The following CNTN3 variants were observed in gnomAD, a reference collection of about 807,000 sequenced individuals.
CNTN3 encodes contactin 3.
A neutral mutation model predicts 119.1 loss-of-function variants in CNTN3; 60 were observed. That is an observed-to-expected ratio of 0.50 (90% CI 0.41 to 0.62). The LOEUF (loss-of-function observed/expected upper bound fraction) is 0.62, where lower values mean the gene tolerates loss of function less well. CNTN3 is among the 20% of genes least tolerant of loss of function. The probability of loss-of-function intolerance (pLI) is 0.00; values close to 1 mark genes in which losing one functional copy is unlikely to be tolerated. For synonymous variants in CNTN3, 450 were observed against 438.7 expected (o/e 1.03, Z -0.32); for missense variants, 1,101 against 1,242.4 (o/e 0.89, Z 1.71).
chr3:74,351,705 G>A (rs1260545521), intron 11 of CNTN3, among the ~76,000 whole-genome samples: 1 of 152,170 alleles, frequency 6.6e-6, no homozygotes. Context: ...CTGTCTGGTG[G>A]CTAATAGGGG....
At position 74,361,872 on chromosome 3, in the gene CNTN3, T is replaced by C; in HGVS notation, c.1364+18A>G. Reference sequence around the variant, plus strand: ...GTGAGAGGAAAGTAAATGACCACTTTTCTGGACATCAAAATACCTTTCATG... The same window carrying C: ...GTGAGAGGAAAGTAAATGACCACTTCTCTGGACATCAAAATACCTTTCATG... On this transcript the variant is annotated intron_variant, in intron 11 of 22. Coordinates refer to ENST00000263665, the MANE Select transcript of CNTN3 (RefSeq NM_020872.3). 6.3e-7 allele frequency: 1 copy of C among 1,593,472 alleles called. No homozygotes were observed. Among genetic ancestry groups the C allele is most frequent in the African/African-American group, 1.3e-5 (1 of 74,310 alleles).
chr3:74,375,504 G>A (rs923907441), intron 5 of CNTN3, among the ~76,000 whole-genome samples: 7 of 152,100 alleles, frequency 4.6e-5, no homozygotes, highest in Non-Finnish European at 4.4e-5. Flanking sequence ...ACACGATTAA[G>A]TTAAAGATCA....
intron 3 of CNTN3, among the ~76,000 whole-genome samples, chr3:74,491,449 G>A (rs753188103): frequency 3.9e-5 from 6 of 152,240 alleles, no homozygotes; most frequent in Non-Finnish European, 8.8e-5. Context: ...GCTGCCAGCT[G>A]AGATGGCACC....
chr3:74,587,159 T>C (rs1575848566), intron 1 of CNTN3, among the ~76,000 whole-genome samples: 2 of 151,952 alleles, frequency 1.3e-5, no homozygotes, highest in South Asian at 4.2e-4. Flanking sequence ...AAGAGTAATG[T>C]AATGTGGGTG....
intron 5 of CNTN3, among the ~76,000 whole-genome samples, chr3:74,419,298 C>A (rs1481349065): frequency 6.6e-6 from 1 of 152,136 alleles, no homozygotes; most frequent in Admixed American, 6.6e-5. Flanking sequence ...GACAAGTCTT[C>A]CTAGAGATGA....
chr3:74,334,904 G>A lies in CNTN3; in HGVS notation c.1499C>T (p.Thr500Ile). 1.2e-6 allele frequency: 2 copies of A among 1,607,474 alleles called. No individual in the cohort carries two copies. The highest frequency in any genetic ancestry group is 1.7e-6 in the Non-Finnish European group (2 of 1,177,590). The stretch of plus-strand genomic sequence containing the variant: ...GTTAGATGGTGCCAAAGTTATTCTT[G>A]TTGGTTCTATTGGGGAAATAATTTT... ...GTTHLVVTEP[T>I]RITLAPSNMD... is the part of the protein sequence containing the mutation. The change falls in exon 13 of 23, where the codon ACA becomes ATA. Residue 500 changes from threonine to isoleucine, a missense_variant. Physicochemically the swap from Thr to Ile is moderately conservative, Grantham distance 89. Transcript: ENST00000263665.
intron 4 of CNTN3, among the ~76,000 whole-genome samples, chr3:74,480,200 G>C (rs1000152799): frequency 1.3e-5 from 2 of 151,980 alleles, no homozygotes; most frequent in African/African-American, 4.8e-5. Flanking sequence ...CCATCTTCTA[G>C]TTTCAAACAC....
chr3:74,305,880 T>C (rs1702553434), intron 13 of CNTN3, among the ~76,000 whole-genome samples: 1 of 151,846 alleles, frequency 6.6e-6, no homozygotes, highest in Non-Finnish European at 1.5e-5. Context: ...CAGTTATGAT[T>C]ATGCACAACT....
At chr3:74,317,269 G>C (rs548506558) in intron 13 of CNTN3, among the ~76,000 whole-genome samples, 33 of 150,096 alleles carry the variant, frequency 2.2e-4, no homozygotes, top group Non-Finnish European at 4.3e-4. Flanking sequence ...ACAGCACACT[G>C]ATGGGTCTTG....
intron 13 of CNTN3, among the ~76,000 whole-genome samples, chr3:74,327,738 T>A (rs1038994223): frequency 6.6e-6 from 1 of 152,098 alleles, no homozygotes; most frequent in Non-Finnish European, 1.5e-5. Context: ...CAAGTTTTCA[T>A]AATAATGAAT....
chr3:74,381,101 C>T (rs538602570), intron 5 of CNTN3, among the ~76,000 whole-genome samples: 22 of 150,700 alleles, frequency 1.5e-4, no homozygotes, highest in South Asian at 4.2e-4. Flanking sequence ...CACACACACA[C>T]GCACACATAA....
intron 1 of CNTN3, among the ~76,000 whole-genome samples, chr3:74,572,090 T>G (rs1704344180): frequency 6.6e-6 from 1 of 152,190 alleles, no homozygotes; most frequent in Non-Finnish European, 1.5e-5. Context: ...TTTATCATTT[T>G]TCACCCATCA....
At chr3:74,316,026 G>C (rs1440619429) in intron 13 of CNTN3, among the ~76,000 whole-genome samples, 3 of 152,132 alleles carry the variant, frequency 2.0e-5, no homozygotes, top group Non-Finnish European at 4.4e-5. Context: ...AAGAGCTTCT[G>C]CACAGCAAGA....
chr3:74,296,303 CCCTCTT>C (rs771111554), intron 18 of CNTN3, among the ~76,000 whole-genome samples: 1 of 152,178 alleles, frequency 6.6e-6, no homozygotes, highest in African/African-American at 2.4e-5. Flanking sequence ...CTGTGGCTGC[CCCTCTT>C]TTCCAGTTGC....
At chr3:74,313,780 T>C (rs1036247002) in intron 13 of CNTN3, among the ~76,000 whole-genome samples, 5 of 152,128 alleles carry the variant, frequency 3.3e-5, no homozygotes, top group African/African-American at 4.8e-5. Flanking sequence ...TCAGAGAGAA[T>C]AGATGATACA....
At chr3:74,456,510 C>A (rs1022733886) in intron 4 of CNTN3, among the ~76,000 whole-genome samples, 2 of 151,938 alleles carry the variant, frequency 1.3e-5, no homozygotes, top group African/African-American at 2.4e-5. Flanking sequence ...CAGCAAAGTA[C>A]AATGTTAAAA....
intron 1 of CNTN3, among the ~76,000 whole-genome samples, chr3:74,602,410 A>G (rs947813721): frequency 6.6e-6 from 1 of 151,590 alleles, no homozygotes; most frequent in East Asian, 1.9e-4. Context: ...TAGACTATTG[A>G]AATTTGGGGA....
chr3:74,609,866 T>C (rs1705051617), intron 1 of CNTN3, among the ~76,000 whole-genome samples: 1 of 151,934 alleles, frequency 6.6e-6, no homozygotes, highest in Non-Finnish European at 1.5e-5. Context: ...AAACATACAA[T>C]CAGGTAAGGA....
At chr3:74,363,003 G>C (rs1382998697) in intron 10 of CNTN3, among the ~76,000 whole-genome samples, 1 of 152,166 alleles carries the variant, frequency 6.6e-6, no homozygotes, top group Middle Eastern at 3.4e-3. Flanking sequence ...TTTTGTTTAC[G>C]CACCTCGTAT....
Sources: allele counts gnomAD v4.1 joint callset (sites outside exome capture counted in the v4.1 genomes callset), GRCh38; gene constraint gnomAD v4.1.1; transcripts MANE v1.5; gene names NCBI Gene and HGNC (gene_info 2026-07-23, HGNC 2026-07-21).